The following USP25 variants were observed in gnomAD, a reference collection of about 807,000 sequenced individuals.
USP25 encodes the protein ubiquitin carboxyl-terminal hydrolase 25.
In USP25, 85 loss-of-function variants were observed where a neutral mutation model predicts 158.5. That is an observed-to-expected ratio of 0.54 (90% CI 0.45 to 0.64). USP25 has a LOEUF of 0.64. Among genes scored for constraint, USP25 ranks in the 30% least tolerant of loss-of-function variants. The pLI, the probability that USP25 is intolerant of heterozygous loss-of-function variation, is 0.00. For synonymous variants in USP25, 464 were observed against 460.4 expected, an observed-to-expected ratio of 1.01 and a Z score of -0.10; for missense variants, 1,242 against 1,327.3, an observed-to-expected ratio of 0.94 and a Z score of 1.00.
chr21:15,762,312 A>C (rs1037365800), intron 1 of USP25, among the ~76,000 whole-genome samples: 2 of 152,038 alleles, frequency 1.3e-5, no homozygotes, highest in Admixed American at 6.5e-5. Context: ...GTGAAATCCT[A>C]TCTCTCTACC....
chr21:15,854,142 T>A (rs1413749044), intron 20 of USP25, among the ~76,000 whole-genome samples: 1 of 150,358 alleles, frequency 6.7e-6, no homozygotes. Context: ...AGTTGTTTGT[T>A]TTGTTTTGTT....
chr21:15,769,643 G>C (rs2034237695), intron 3 of USP25, among the ~76,000 whole-genome samples: 1 of 152,144 alleles, frequency 6.6e-6, no homozygotes, highest in South Asian at 2.1e-4. Context: ...AGTCAGAGGA[G>C]AGATTCTGCC....
chr21:15,730,173 T>C lies in USP25; in HGVS notation c.-221T>C. On this transcript the variant is annotated 5_prime_UTR_variant, in exon 1 of 26. Coordinates refer to ENST00000400183, the MANE Select transcript of USP25 (RefSeq NM_001283041.3). ...CGCTGAGGCGGGCCGCGTGGAGACG[T>C]GAGGCGGCCGCCGTGGCCCTCACAG... 1 of 249,758 alleles carries C rather than the reference T, an allele frequency of 4.0e-6. No individual in the cohort carries two copies. Among genetic ancestry groups the C allele is most frequent in the Non-Finnish European group, 6.3e-6 (1 of 158,042 alleles). The allele number at this position is 249,758 out of a possible 1,614,324, so 15.5% of individuals were successfully genotyped here. A position where few individuals can be genotyped will look rare whatever the true frequency, so the allele number is the denominator to read the frequency against.
At chr21:15,751,554 A>C (rs1431948506) in intron 1 of USP25, among the ~76,000 whole-genome samples, 1 of 152,190 alleles carries the variant, frequency 6.6e-6, no homozygotes, top group Non-Finnish European at 1.5e-5. Flanking sequence ...GAGAGCTATA[A>C]TAGGAATCTG....
intron 23 of USP25, among the ~76,000 whole-genome samples, chr21:15,873,792 C>G (rs1345816871): frequency 6.6e-6 from 1 of 152,132 alleles, no homozygotes; most frequent in Non-Finnish European, 1.5e-5. Flanking sequence ...CGCACCCGGC[C>G]TCTATCAGCT....
In USP25 at chr21:15,777,989, G is replaced by T; in HGVS notation, c.354G>T (p.Arg118Ser). Residue 118 changes from arginine (R) to serine (S), a missense_variant, in exon 4 of 26, where the codon AGG becomes AGT. Physicochemically the swap from Arg to Ser is moderately radical, Grantham distance 110. Around this residue, in one of 3 missense-constraint regions of USP25, gnomAD observed 627 missense variants for 701.4 expected, o/e 0.89. Coordinates refer to ENST00000400183, the MANE Select transcript of USP25 (RefSeq NM_001283041.3). ...LSLAESNRAF[R>S]ETGITDEEQA... ...TGGCCGAATCAAACAGGGCATTCAG[G>T]GAGACTGGAATAACTGATGAGGAAC... 6.2e-7 allele frequency: 1 copy of T among 1,611,046 alleles called. No homozygotes were observed. The highest frequency in any genetic ancestry group is 1.7e-5 in the Admixed American group (1 of 59,332).
chr21:15,758,506 C>T (rs1178972777), intron 1 of USP25, among the ~76,000 whole-genome samples: 3 of 152,100 alleles, frequency 2.0e-5, no homozygotes, highest in African/African-American at 7.2e-5. Flanking sequence ...GTAAGATGTG[C>T]CTTTGCCCCT....
intron 14 of USP25, 39 bp downstream of exon 14, chr21:15,827,242 A>G (rs1463005819): frequency 1.4e-6 from 2 of 1,481,344 alleles, no homozygotes; most frequent in Admixed American, 3.4e-5. Context: ...GTCACCTCAG[A>G]TGGATATGTG....
Position 15,797,978 on chromosome 21 carries a change from G to GA in USP25, c.556-1771dup, listed in dbSNP as rs537036436. The stretch of plus-strand genomic sequence containing the variant: ...AATTTAGCCATTATAGGCATGCAAG[G>GA]AAAAAAAACATAATATATATGGAGT... On this transcript the variant is annotated intron_variant, in intron 5 of 25. Coordinates refer to ENST00000400183, the MANE Select transcript of USP25 (RefSeq NM_001283041.3). Among the ~76,000 whole-genome samples the GA allele has an allele frequency of 5.3e-5, 8 of 150,894 alleles. No homozygotes were observed. In the South Asian group the frequency reaches 8.4e-4, roughly 16 times the overall value.
At chr21:15,835,153 G>A (rs143217797) in intron 17 of USP25, among the ~76,000 whole-genome samples, 24 of 152,294 alleles carry the variant, frequency 1.6e-4, no homozygotes, top group African/African-American at 5.8e-4. Context: ...GGAAGGGGCT[G>A]CATAGTGTAC....
intron 1 of USP25, among the ~76,000 whole-genome samples, chr21:15,733,473 T>C (rs1008041582): frequency 6.6e-6 from 1 of 152,068 alleles, no homozygotes; most frequent in Non-Finnish European, 1.5e-5. Context: ...TGGCTCATGC[T>C]TTAATCCCAG....
intron 17 of USP25, among the ~76,000 whole-genome samples, chr21:15,840,811 A>G (rs1183206136): frequency 6.6e-6 from 1 of 152,218 alleles, no homozygotes; most frequent in Non-Finnish European, 1.5e-5. Flanking sequence ...TTATTGCTTT[A>G]AGTTCACATC....
intron 22 of USP25, among the ~76,000 whole-genome samples, chr21:15,868,678 A>G (rs1268336652): frequency 6.6e-6 from 1 of 152,166 alleles, no homozygotes; most frequent in African/African-American, 2.4e-5. Context: ...TTATTGGAAC[A>G]TGGCCATTTG....
chr21:15,812,845 T>G (rs2036740819), intron 9 of USP25, among the ~76,000 whole-genome samples: 1 of 152,186 alleles, frequency 6.6e-6, no homozygotes, highest in Non-Finnish European at 1.5e-5. Flanking sequence ...TCCTAATACT[T>G]TCTTTCAAAC....
intron 9 of USP25, 112 bp downstream of exon 9, chr21:15,811,322 TGTCTAG>T (rs2036651848): frequency 1.1e-6 from 1 of 951,654 alleles, no homozygotes; most frequent in Non-Finnish European, 1.5e-6. Flanking sequence ...TGATATATTC[TGTCTAG>T]TAATTTTTGT....
intron 23 of USP25, among the ~76,000 whole-genome samples, chr21:15,874,149 A>G (rs2040006961): frequency 6.6e-6 from 1 of 152,158 alleles, no homozygotes. Context: ...TTTATCAGTT[A>G]TTGCCTCTTT....
chr21:15,806,674 A>G (rs753115881), intron 7 of USP25, among the ~76,000 whole-genome samples: 6 of 152,140 alleles, frequency 3.9e-5, no homozygotes, highest in Non-Finnish European at 7.4e-5. Flanking sequence ...GAGGCCTTTT[A>G]AAGTAGATGT....
intron 4 of USP25, among the ~76,000 whole-genome samples, chr21:15,790,369 T>A (rs748459055): frequency 2.0e-5 from 3 of 152,052 alleles, no homozygotes; most frequent in Non-Finnish European, 4.4e-5. Context: ...TTTTATTGAT[T>A]CCCAAAGACT....
intron 6 of USP25, among the ~76,000 whole-genome samples, chr21:15,801,910 T>G (rs1365571870): frequency 6.6e-6 from 1 of 151,578 alleles, no homozygotes; most frequent in African/African-American, 2.4e-5. Context: ...TGGCAATTGC[T>G]TGTAGAAATT....
Sources: allele counts gnomAD v4.1 joint callset (sites outside exome capture counted in the v4.1 genomes callset), GRCh38; gene constraint gnomAD v4.1.1; regional missense constraint gnomAD v4.1.1; transcripts MANE v1.5; gene names NCBI Gene and HGNC (gene_info 2026-07-23, HGNC 2026-07-21).